Variants in CHIC1 observed in about 807,000 individuals in gnomAD.
CHIC1 encodes cysteine rich hydrophobic domain 1.
A neutral mutation model predicts 18.5 loss-of-function variants in CHIC1; 7 were observed. That is an observed-to-expected ratio of 0.38 (90% CI 0.22 to 0.71). The LOEUF (loss-of-function observed/expected upper bound fraction) is 0.71, where lower values mean the gene tolerates loss of function less well. CHIC1 is among the 30% of genes least tolerant of loss of function. CHIC1 has a pLI of 0.49. For missense variants in CHIC1, 159 were observed against 176.9 expected, an observed-to-expected ratio of 0.90 and a Z score of 0.57; for synonymous variants, 77 against 73.5, an observed-to-expected ratio of 1.05 and a Z score of -0.25.
At chrX:73,590,197 C>T (rs191639237) in intron 3 of CHIC1, among the ~76,000 whole-genome samples, 344 of 110,884 alleles carry the variant, frequency 3.1e-3, no homozygotes, top group South Asian at 7.9e-3. Context: ...GCCTGAAGAA[C>T]TTCTTTTAGT....
At chrX:73,615,981 G>A (rs1370826782) in intron 3 of CHIC1, among the ~76,000 whole-genome samples, 1 of 111,102 alleles carries the variant, frequency 9.0e-6, no homozygotes, top group African/African-American at 3.3e-5. Flanking sequence ...CAATGATTCA[G>A]GGGTCAGCCC....
At chrX:73,589,345 CTTAT>C (rs964633689) in intron 3 of CHIC1, among the ~76,000 whole-genome samples, 1 of 110,827 alleles carries the variant, frequency 9.0e-6, no homozygotes, top group African/African-American at 3.3e-5. Context: ...TCCTTCATTA[CTTAT>C]TTATTTTATG....
rs190610443 is a variant in CHIC1 at position 73,655,403 on chromosome X, A to G, written c.508-23923A>G. ...TGGGTGTGTATATATATGTACATAT[A>G]TATACAATATTGTGTATATATAGTG... On this transcript the variant is annotated intron_variant, in intron 3 of 5. Transcript: ENST00000373502. Among the ~76,000 whole-genome samples, 358 of 98,531 alleles carry G rather than the reference A, an allele frequency of 3.6e-3. 2 individuals carry two copies. The highest frequency in any genetic ancestry group is 0.025 in the South Asian group (53 of 2,111). The allele number at this position is 98,531 out of a possible 115,157, so 85.6% of individuals were successfully genotyped here. A position where few individuals can be genotyped will look rare whatever the true frequency, so the allele number is the denominator to read the frequency against.
intron 3 of CHIC1, among the ~76,000 whole-genome samples, chrX:73,661,332 G>A (rs909451143): frequency 3.6e-5 from 4 of 112,264 alleles, no homozygotes; most frequent in African/African-American, 1.3e-4. Flanking sequence ...ACATCTGTTT[G>A]CCATAACTAA....
At chrX:73,589,556 A>G (rs778264189) in intron 3 of CHIC1, among the ~76,000 whole-genome samples, 2 of 111,253 alleles carry the variant, frequency 1.8e-5, no homozygotes, top group African/African-American at 6.5e-5. Flanking sequence ...TGTTATCACA[A>G]ATTATATGTT....
intron 3 of CHIC1, among the ~76,000 whole-genome samples, chrX:73,669,137 G>A (rs750665695): frequency 6.3e-5 from 7 of 111,405 alleles, no homozygotes; most frequent in Admixed American, 3.8e-4. Context: ...GGGGAATCAC[G>A]TCTGCCCCTG....
At chrX:73,601,036 A>G (rs1441297139) in intron 3 of CHIC1, among the ~76,000 whole-genome samples, 1 of 107,983 alleles carries the variant, frequency 9.3e-6, no homozygotes, top group African/African-American at 3.6e-5. Context: ...TGCACCCAGT[A>G]CAGGAGCACC....
intron 3 of CHIC1, among the ~76,000 whole-genome samples, chrX:73,592,017 T>G (rs2057584223): frequency 9.0e-6 from 1 of 111,590 alleles, no homozygotes; most frequent in Admixed American, 9.6e-5. Context: ...AGAATCATTT[T>G]TTCAATAATC....
chrX:73,635,339 C>A (rs2057827181), intron 3 of CHIC1, among the ~76,000 whole-genome samples: 1 of 111,720 alleles, frequency 9.0e-6, no homozygotes, highest in Non-Finnish European at 1.9e-5. Flanking sequence ...GACTAGTTTT[C>A]TTTCTTTGTA....
At chrX:73,588,201 C>T (rs193103034) in intron 3 of CHIC1, among the ~76,000 whole-genome samples, 95 of 111,096 alleles carry the variant, frequency 8.6e-4, no homozygotes, top group African/African-American at 2.7e-3. Context: ...GTGTAACTAT[C>T]ACCATAATCT....
chrX:73,614,282 G>T (rs759101360), intron 3 of CHIC1, among the ~76,000 whole-genome samples: 1 of 111,177 alleles, frequency 9.0e-6, no homozygotes, highest in African/African-American at 3.3e-5. Flanking sequence ...CTTTTCTCTT[G>T]CTGTTTCTAG....
intron 3 of CHIC1, among the ~76,000 whole-genome samples, chrX:73,603,247 A>AT: frequency 9.3e-6 from 1 of 106,960 alleles, no homozygotes. Context: ...ATTCCTAGGC[A>AT]TTTTTTCTAT....
intron 3 of CHIC1, among the ~76,000 whole-genome samples, chrX:73,612,239 G>A (rs1425305778): frequency 8.9e-6 from 1 of 111,750 alleles, no homozygotes; most frequent in East Asian, 2.8e-4. Context: ...TTCTACATAT[G>A]GCTAGCCAGT....
rs934275719 is a variant in CHIC1, at chrX:73,577,394, G to A, written c.297-13G>A. ...CTGGGTAGAACATATTTTGTTCTGT[G>A]TTTGTTTTGAAGGTTTGGCTTGAGC... On this transcript the variant is annotated splice_polypyrimidine_tract_variant and intron_variant, in intron 1 of 5. Transcript: ENST00000373502. 32 of 1,176,420 alleles carry A rather than the reference G, an allele frequency of 2.7e-5. No individual in the cohort carries two copies. Among genetic ancestry groups the A allele is most frequent in the Non-Finnish European group, 3.6e-5 (31 of 867,558 alleles).
At chrX:73,664,214 T>G (rs2057993912) in intron 3 of CHIC1, among the ~76,000 whole-genome samples, 1 of 111,809 alleles carries the variant, frequency 8.9e-6, no homozygotes, top group Non-Finnish European at 1.9e-5. Context: ...TTTTATCAAT[T>G]TGGACCTGCA....
chrX:73,586,654 G>T (rs2057554547), intron 3 of CHIC1, among the ~76,000 whole-genome samples: 2 of 111,419 alleles, frequency 1.8e-5, no homozygotes, highest in African/African-American at 6.5e-5. Flanking sequence ...AATCCAGAGG[G>T]TGAAGTGACT....
intron 3 of CHIC1, among the ~76,000 whole-genome samples, chrX:73,671,783 A>G (rs1407887312): frequency 3.0e-5 from 3 of 101,673 alleles, no homozygotes; most frequent in Admixed American, 1.1e-4. Context: ...TTTTATTATT[A>G]TTGTACTTTA....
At chrX:73,586,990 C>T (rs1177369924) in intron 3 of CHIC1, among the ~76,000 whole-genome samples, 1 of 111,754 alleles carries the variant, frequency 8.9e-6, no homozygotes, top group Non-Finnish European at 1.9e-5. Flanking sequence ...AATGAGTGAG[C>T]ATTACTGTGT....
intron 3 of CHIC1, among the ~76,000 whole-genome samples, chrX:73,596,682 A>G (rs1312428749): frequency 9.0e-6 from 1 of 111,185 alleles, no homozygotes. Context: ...AAACAGATAT[A>G]TAGGCCAATG....
Sources: gnomAD v4.1 joint callset for allele counts (sites outside exome capture counted in the v4.1 genomes callset) on GRCh38, gnomAD v4.1.1 for gene constraint, MANE v1.5 for transcripts, NCBI Gene and HGNC (gene_info 2026-07-23, HGNC 2026-07-21) for gene names.